Variants in SLF2 observed in about 807,000 individuals in gnomAD.
SLF2 encodes the protein SMC5/6 complex localization factor 2.
Under a neutral mutation model 124.3 loss-of-function variants are expected in SLF2, and 68 were observed. That is an observed-to-expected ratio of 0.55 (90% CI 0.45 to 0.67). The LOEUF is 0.67. Ranked by LOEUF, SLF2 falls within the 30% of genes least tolerant of loss-of-function variation. The pLI, the probability that SLF2 is intolerant of heterozygous loss-of-function variation, is 0.00. For missense variants in SLF2, 1,246 were observed against 1,373.7 expected (o/e 0.91, Z 1.47); for synonymous variants, 480 against 478.8 (o/e 1.00, Z -0.03).
chr10:100,954,603 G>T (rs144336307), intron 17 of SLF2, among the ~76,000 whole-genome samples: 7 of 152,160 alleles, frequency 4.6e-5, no homozygotes, highest in African/African-American at 1.7e-4. Flanking sequence ...ATTTTTCAAA[G>T]AATTAAGTAT....
intron 9 of SLF2, among the ~76,000 whole-genome samples, chr10:100,931,514 C>T (rs530908017): frequency 1.3e-5 from 2 of 151,962 alleles, no homozygotes; most frequent in Non-Finnish European, 2.9e-5. Flanking sequence ...TTTCCCCATT[C>T]ATATTTAACG....
rs553932215 is a variant in SLF2 at position 100,961,078 on chromosome 10, C to T, written c.3487-799C>T. On this transcript the variant is annotated intron_variant, in intron 19 of 19. Transcript: ENST00000238961. ...AGCCTGGAGTGCAGTGGTGCAATCT[C>T]GGCTCACTGCAAGCTCTGCCTCCTG... Among the ~76,000 whole-genome samples, 13 of 125,422 alleles carry T rather than the reference C, an allele frequency of 1.0e-4. No homozygotes were observed. The East Asian group carries it at 3.1e-3, about 30-fold the overall frequency. The allele number at this position is 125,422 out of a possible 152,430, so 82.3% of individuals were successfully genotyped here.
At chr10:100,916,382 A>G (rs1849413994) in intron 2 of SLF2, among the ~76,000 whole-genome samples, 188 bp from the exon 3 acceptor site, 1 of 152,194 alleles carries the variant, frequency 6.6e-6, no homozygotes, top group South Asian at 2.1e-4. Context: ...GGCTTTTAAC[A>G]AATAAATCAT....
rs1013016594 is a variant in SLF2 at position 100,964,109 on chromosome 10, A to G, written c.*2197A>G. On this transcript the variant is annotated 3_prime_UTR_variant, in exon 20 of 20. Coordinates refer to ENST00000238961, the MANE Select transcript of SLF2 (RefSeq NM_018121.4). ...AGCCCATGGTTTTTCTTCCAAATCAAGTATTTTACTTCTCCCTTGAGTCCC... is the reference window on the plus strand; with the variant it reads ...AGCCCATGGTTTTTCTTCCAAATCAGGTATTTTACTTCTCCCTTGAGTCCC... 2.0e-5 allele frequency: 3 copies of G among 152,578 alleles called. No homozygotes were observed. Among genetic ancestry groups the G allele is most frequent in the African/African-American group, 7.2e-5 (3 of 41,418 alleles). 9.5% of individuals were successfully genotyped at this position (152,578 alleles called of 1,614,324 possible). A position where few individuals can be genotyped will look rare whatever the true frequency, so the allele number is the denominator to read the frequency against.
rs555518635 is a variant in SLF2, at chr10:100,946,159, A to G, written c.2934+653A>G. Among the ~76,000 whole-genome samples the G allele has an allele frequency of 3.3e-5, 5 of 152,280 alleles. No individual in the cohort carries two copies. The East Asian group carries it at 7.7e-4, about 24-fold the overall frequency. ...ATGCAAAAGTAAGGCAAAGAGTATA[A>G]TAAATTCCTAAGTATCACTTTGCTT... On this transcript the variant is annotated intron_variant, in intron 13 of 19. Transcript: ENST00000238961.
intron 11 of SLF2, among the ~76,000 whole-genome samples, chr10:100,941,763 A>T (rs373312553): frequency 6.6e-6 from 1 of 152,196 alleles, no homozygotes; most frequent in South Asian, 2.1e-4. Flanking sequence ...AGGGCTTCAC[A>T]TAGTACCTCA....
At chr10:100,958,195 G>A (rs1179474880) in intron 18 of SLF2, among the ~76,000 whole-genome samples, 2 of 152,168 alleles carry the variant, frequency 1.3e-5, no homozygotes, top group Non-Finnish European at 2.9e-5. Flanking sequence ...CATTGAATGT[G>A]AAGCCTCAGC....
Position 100,963,689 on chromosome 10 carries a change from CAA to C in SLF2, c.*1779_*1780del, listed in dbSNP as rs1415316894. The C allele has an allele frequency of 6.6e-6, 1 of 152,410 alleles. No homozygotes were observed. The highest frequency in any genetic ancestry group is 1.5e-5 in the Non-Finnish European group (1 of 68,026). 9.4% of individuals were successfully genotyped at this position (152,410 alleles called of 1,614,324 possible). On this transcript the variant is annotated 3_prime_UTR_variant, in exon 20 of 20. Transcript: ENST00000238961. ...GCATTGTGTAAAGTGTACAAAATCT[CAA>C]AGTATAAAATACTGCTTATATTGCT...
intron 9 of SLF2, among the ~76,000 whole-genome samples, chr10:100,934,124 G>A (rs1459931953): frequency 6.6e-6 from 1 of 152,208 alleles, no homozygotes. Flanking sequence ...AGTATTCTCT[G>A]CATTCAAAAA....
Position 100,913,263 on chromosome 10 carries a change from G to T in SLF2, c.140+13G>T. ...GTCCTGGGGACAGGTACCGTGCAGA[G>T]GGCTTGAGAAGGGGCCGGGTCGCGG... On this transcript the variant is annotated intron_variant, in intron 1 of 19. Transcript: ENST00000238961. 6.3e-7 allele frequency: 1 copy of T among 1,576,016 alleles called. No individual in the cohort carries two copies.
At chr10:100,953,931 C>T (rs976451072) in intron 17 of SLF2, among the ~76,000 whole-genome samples, 1 of 151,838 alleles carries the variant, frequency 6.6e-6, no homozygotes, top group African/African-American at 2.4e-5. Context: ...GTATTACAGG[C>T]GTGAGCCACT....
intron 11 of SLF2, among the ~76,000 whole-genome samples, chr10:100,943,393 G>A (rs777892932): frequency 1.1e-4 from 17 of 152,138 alleles, no homozygotes; most frequent in South Asian, 2.1e-4. Flanking sequence ...TATAAAGAAC[G>A]GAGCTAGGAG....
intron 9 of SLF2, among the ~76,000 whole-genome samples, chr10:100,932,545 T>G (rs1044828238): frequency 3.9e-5 from 6 of 152,112 alleles, no homozygotes; most frequent in African/African-American, 1.4e-4. Context: ...ACTGGAGAGA[T>G]ATTCCAGTAC....
chr10:100,944,074 T>TA lies in SLF2; in HGVS notation c.2703_2704insA (p.Tyr902IlefsTer2). 1 of 1,613,100 alleles carries TA rather than the reference T, an allele frequency of 6.2e-7. No individual in the cohort carries two copies. Among genetic ancestry groups the TA allele is most frequent in the Non-Finnish European group, 8.5e-7 (1 of 1,179,654 alleles). ...GGGGGAAAGAAAGTGAAGATTCATCTTATAAGCCAATTTTTTCAACACTTC... is the reference window on the plus strand; with the variant it reads ...GGGGGAAAGAAAGTGAAGATTCATCTATATAAGCCAATTTTTTCAACACTTC... On this transcript the variant is annotated frameshift_variant, in exon 12 of 20. Coordinates refer to ENST00000238961, the MANE Select transcript of SLF2 (RefSeq NM_018121.4). LOFTEE classifies it high-confidence loss of function.
Position 100,959,435 on chromosome 10 carries a change from A to T in SLF2, c.3425A>T (p.Asp1142Val), listed in dbSNP as rs755367295. The T allele has an allele frequency of 6.2e-7, 1 of 1,606,798 alleles. No individual in the cohort carries two copies. Among genetic ancestry groups the T allele is most frequent in the South Asian group, 1.1e-5 (1 of 89,436 alleles). ...ARLFYRTKVK[D>V]LVARIHGKWQ... Reference sequence around the variant, plus strand: ...GTTTTTGATATTTTTAAGGTGAAAGACTTGGTCGCCAGGATACATGGAAAA... The same window carrying T: ...GTTTTTGATATTTTTAAGGTGAAAGTCTTGGTCGCCAGGATACATGGAAAA... The change falls in exon 19 of 20, where the codon GAC (aspartate) becomes GTC (valine). Residue 1142 changes from aspartate to valine, a missense_variant. Asp to Val is a radical substitution (Grantham distance 152). This residue lies in a region of SLF2 where 535 missense variants were observed against 632.8 expected (regional missense o/e 0.85). Transcript: ENST00000238961.
intron 9 of SLF2, among the ~76,000 whole-genome samples, chr10:100,936,743 G>A (rs1161777111): frequency 6.6e-6 from 1 of 151,856 alleles, no homozygotes; most frequent in East Asian, 1.9e-4. Context: ...TTAATTTGTG[G>A]TTTGATTTTT....
chr10:100,963,266 A>C lies in SLF2; in HGVS notation c.*1354A>C, dbSNP rs566174448. ...CCTCTAAATTGAGGCTTAGGAGTAAAAAGCATTTTGTCCTAAATTTATCAT... is the reference window on the plus strand; with the variant it reads ...CCTCTAAATTGAGGCTTAGGAGTAACAAGCATTTTGTCCTAAATTTATCAT... On this transcript the variant is annotated 3_prime_UTR_variant, in exon 20 of 20. Coordinates refer to ENST00000238961, the MANE Select transcript of SLF2 (RefSeq NM_018121.4). 6.6e-6 allele frequency: 1 copy of C among 152,640 alleles called. No homozygotes were observed. The highest frequency in any genetic ancestry group is 1.5e-5 in the Non-Finnish European group (1 of 68,030). 9.5% of individuals were successfully genotyped at this position (152,640 alleles called of 1,614,324 possible). A position where few individuals can be genotyped will look rare whatever the true frequency, so the allele number is the denominator to read the frequency against.
At chr10:100,950,051 C>A in intron 15 of SLF2, 25 bp from the exon 16 acceptor site, 1 of 1,539,404 alleles carries the variant, frequency 6.5e-7, no homozygotes, top group South Asian at 1.3e-5. Flanking sequence ...TAGCTTTGTT[C>A]AATGTCTCCT....
intron 12 of SLF2, 129 bp downstream of exon 12, chr10:100,944,257 A>T: frequency 1.9e-6 from 1 of 534,740 alleles, no homozygotes; most frequent in Admixed American, 4.1e-5. Context: ...GCACTTTGGG[A>T]GGCCAGGGCG....
Sources: allele counts gnomAD v4.1 joint callset (sites outside exome capture counted in the v4.1 genomes callset), GRCh38; gene constraint gnomAD v4.1.1; regional missense constraint gnomAD v4.1.1; transcripts MANE v1.5; gene names NCBI Gene and HGNC (gene_info 2026-07-23, HGNC 2026-07-21).